Variants in ZFYVE28 observed in about 807,000 individuals in gnomAD.
ZFYVE28 encodes the protein lateral signaling target protein 2 homolog.
ZFYVE28 carries 40 observed loss-of-function variants against 82.1 expected under a neutral mutation model. That is an observed-to-expected ratio of 0.49 (90% CI 0.38 to 0.63). ZFYVE28 has a LOEUF of 0.63. ZFYVE28 is among the 30% of genes least tolerant of loss of function. The pLI, the probability that ZFYVE28 is intolerant of heterozygous loss-of-function variation, is 0.00. For synonymous variants in ZFYVE28, 612 were observed against 546.1 expected, an observed-to-expected ratio of 1.12 and a Z score of -1.68; for missense variants, 1,321 against 1,242.1, an observed-to-expected ratio of 1.06 and a Z score of -0.96.
chr4:2,341,131 A>C lies in ZFYVE28; in HGVS notation c.318+347T>G, dbSNP rs1381110206. 1.3e-5 allele frequency among the ~76,000 whole-genome samples: 2 copies of C among 152,044 alleles called. No homozygotes were observed. The highest frequency in any genetic ancestry group is 2.9e-5 in the Non-Finnish European group (2 of 67,984). On this transcript the variant is annotated intron_variant, in intron 3 of 12. Coordinates refer to ENST00000290974, the MANE Select transcript of ZFYVE28 (RefSeq NM_020972.3). This position sits in a 1 kb window ranked among gnomAD's most constrained non-coding sequence, Gnocchi z 4.5. ...GGCTCCCCAGCCCCTGCTGCTGCCC[A>C]TGCTGCAGGGCCGGAGGGGAACACT...
At chr4:2,301,722 C>T (rs1267272983) in intron 8 of ZFYVE28, among the ~76,000 whole-genome samples, 2 of 152,092 alleles carry the variant, frequency 1.3e-5, no homozygotes, top group Non-Finnish European at 2.9e-5. Flanking sequence ...TCCCACTTAT[C>T]CTGTCAAAGA....
chr4:2,407,906 C>T (rs944902613), intron 1 of ZFYVE28, among the ~76,000 whole-genome samples: 12 of 152,298 alleles, frequency 7.9e-5, no homozygotes, highest in Admixed American at 4.6e-4. Context: ...TTTCTATCCT[C>T]AGTCTCTTGG....
At chr4:2,313,827 C>T (rs548118366) in intron 7 of ZFYVE28, among the ~76,000 whole-genome samples, 3 of 138,380 alleles carry the variant, frequency 2.2e-5, no homozygotes, top group Admixed American at 7.9e-5. Context: ...CCAGCCTGGG[C>T]GACAGAGTGA....
At chr4:2,411,407 G>A (rs1578429383) in intron 1 of ZFYVE28, among the ~76,000 whole-genome samples, 1 of 152,280 alleles carries the variant, frequency 6.6e-6, no homozygotes, top group East Asian at 1.9e-4. Flanking sequence ...AATCTATTCA[G>A]ATCAGTCAAA....
chr4:2,333,370 G>T (rs565710606), intron 6 of ZFYVE28, among the ~76,000 whole-genome samples: 21 of 150,924 alleles, frequency 1.4e-4, no homozygotes, highest in African/African-American at 4.9e-4. Flanking sequence ...GACAGAAGGA[G>T]GAGCAGAGGT....
Position 2,332,346 on chromosome 4 carries a change from C to T in ZFYVE28, c.701+3359G>A, listed in dbSNP as rs772469921. 2.6e-5 allele frequency among the ~76,000 whole-genome samples: 4 copies of T among 152,148 alleles called. No homozygotes were observed. Among genetic ancestry groups the T allele is most frequent in the Admixed American group, 2.0e-4 (3 of 15,280 alleles). The stretch of plus-strand genomic sequence containing the variant: ...TTCCTGCGGCCCCCTGGTCCTTGCT[C>T]GAGCCCTGGACTTGCCCCTGAGCAT... On this transcript the variant is annotated intron_variant, in intron 6 of 12. Coordinates refer to ENST00000290974, the MANE Select transcript of ZFYVE28 (RefSeq NM_020972.3). The surrounding 1 kb of genome is among the most constrained non-coding windows in gnomAD (Gnocchi z 4.7).
intron 1 of ZFYVE28, among the ~76,000 whole-genome samples, chr4:2,375,021 T>C (rs1339701224): frequency 6.6e-6 from 1 of 152,154 alleles, no homozygotes; most frequent in Admixed American, 6.5e-5. Flanking sequence ...TCCTTGTCTT[T>C]CTCTACTGCT....
chr4:2,357,061 TA>T (rs1378657304), intron 1 of ZFYVE28, among the ~76,000 whole-genome samples: 6 of 152,104 alleles, frequency 3.9e-5, no homozygotes, highest in Non-Finnish European at 2.9e-5. Flanking sequence ...CACATCCAGC[TA>T]ATTTTTGTAT....
chr4:2,299,260 G>C (rs1715118895), intron 8 of ZFYVE28, among the ~76,000 whole-genome samples: 1 of 152,122 alleles, frequency 6.6e-6, no homozygotes, highest in African/African-American at 2.4e-5. Flanking sequence ...GGTTGGCAGT[G>C]ATCAGAGGGG....
chr4:2,330,974 G>C (rs1020283561), intron 6 of ZFYVE28: 2 of 1,535,148 alleles, frequency 1.3e-6, no homozygotes, highest in Admixed American at 3.9e-5. Context: ...CCCTGAAGAG[G>C]ATCCGGCAAC....
At position 2,417,445 on chromosome 4, in the gene ZFYVE28, G is replaced by T. The variant is rs1005028559; in HGVS notation, c.39+840C>A. On this transcript the variant is annotated intron_variant, in intron 1 of 12. Transcript: ENST00000290974. This position sits in a 1 kb window ranked among gnomAD's most constrained non-coding sequence, Gnocchi z 4.8. ...CGACTGGCGCAGCCGCTGAGGCACG[G>T]GGCGCGCCGCCCGGACCCCGACCCC... Among the ~76,000 whole-genome samples, 1 of 150,336 alleles carries T rather than the reference G, an allele frequency of 6.7e-6. No individual in the cohort carries two copies. The highest frequency in any genetic ancestry group is 1.5e-5 in the Non-Finnish European group (1 of 67,418).
chr4:2,279,601 A>G (rs562987092), intron 8 of ZFYVE28, among the ~76,000 whole-genome samples: 57 of 152,176 alleles, frequency 3.7e-4, no homozygotes, highest in African/African-American at 1.3e-3. Flanking sequence ...AACACGATGA[A>G]ACCCTGTCTC....
chr4:2,365,853 G>C (rs779828410), intron 1 of ZFYVE28, among the ~76,000 whole-genome samples: 1 of 152,210 alleles, frequency 6.6e-6, no homozygotes, highest in Non-Finnish European at 1.5e-5. Context: ...ACACAAGCAC[G>C]CATGTTTGTT....
At chr4:2,353,359 C>T (rs1196583767) in intron 2 of ZFYVE28, among the ~76,000 whole-genome samples, 10 of 152,214 alleles carry the variant, frequency 6.6e-5, no homozygotes, top group Non-Finnish European at 1.3e-4. Context: ...CAGCAAGACC[C>T]TGTGGGAAGA....
chr4:2,272,747 G>A (rs1736024224), intron 10 of ZFYVE28, among the ~76,000 whole-genome samples: 1 of 152,366 alleles, frequency 6.6e-6, no homozygotes, highest in African/African-American at 2.4e-5. Context: ...GCTCTCGGTA[G>A]AAGAGACGTG....
chr4:2,362,043 A>C lies in ZFYVE28; in HGVS notation c.40-7970T>G, dbSNP rs1462487646. ...CCCTCCCCACACAGCTGAACCCAGG[A>C]CATAAGCTGGGCTCTAAGCTCCAGT... is the stretch of plus-strand genomic sequence containing the variant. On this transcript the variant is annotated intron_variant, in intron 1 of 12. Transcript: ENST00000290974. This position sits in a 1 kb window ranked among gnomAD's most constrained non-coding sequence, Gnocchi z 5.1. 6.6e-6 allele frequency among the ~76,000 whole-genome samples: 1 copy of C among 152,000 alleles called. No individual in the cohort carries two copies. The highest frequency in any genetic ancestry group is 2.4e-5 in the African/African-American group (1 of 41,356).
At chr4:2,301,776 T>C (rs1390551725) in intron 8 of ZFYVE28, among the ~76,000 whole-genome samples, 1 of 152,186 alleles carries the variant, frequency 6.6e-6, no homozygotes, top group Non-Finnish European at 1.5e-5. Context: ...AACGATCCAT[T>C]GCCAGTGAAC....
chr4:2,373,412 C>A (rs1257547030), intron 1 of ZFYVE28, among the ~76,000 whole-genome samples: 1 of 152,058 alleles, frequency 6.6e-6, no homozygotes, highest in Non-Finnish European at 1.5e-5. Flanking sequence ...AGTGGGAAGA[C>A]TGCTTGAGCC....
At position 2,417,551 on chromosome 4, in the gene ZFYVE28, GC is replaced by G. The variant is rs977268183; in HGVS notation, c.39+733del. Among the ~76,000 whole-genome samples, 1 of 151,876 alleles carries G rather than the reference GC, an allele frequency of 6.6e-6. No homozygotes were observed. The highest frequency in any genetic ancestry group is 2.4e-5 in the African/African-American group (1 of 41,404). On this transcript the variant is annotated intron_variant, in intron 1 of 12. Transcript: ENST00000290974. This position sits in a 1 kb window ranked among gnomAD's most constrained non-coding sequence, Gnocchi z 4.8. ...GAGGCTGCTGGCCACGGGCGCGCTC[GC>G]CCCAAGGGCCGGGCGGAGGACCTGT...
Sources: gnomAD v4.1 joint callset for allele counts (sites outside exome capture counted in the v4.1 genomes callset) on GRCh38, gnomAD v4.1.1 for gene constraint, Gnocchi (gnomAD v3.1) non-coding constraint, MANE v1.5 for transcripts, NCBI Gene and HGNC (gene_info 2026-07-23, HGNC 2026-07-21) for gene names.